NECTIN2: variants seen among roughly 807,000 people sequenced by gnomAD.
NECTIN2 encodes nectin cell adhesion molecule 2.
A neutral mutation model predicts 56.9 loss-of-function variants in NECTIN2; 23 were observed. The observed-to-expected ratio is 0.40, with a 90% CI of 0.29 to 0.57. The LOEUF (loss-of-function observed/expected upper bound fraction) is 0.57. NECTIN2 is among the 20% of genes least tolerant of loss of function. The pLI, the probability that NECTIN2 is intolerant of heterozygous loss-of-function variation, is 0.38. For missense variants in NECTIN2, 587 were observed against 718.3 expected (o/e 0.82, Z 2.09); for synonymous variants, 302 against 313.8 (o/e 0.96, Z 0.40).
Position 44,872,793 on chromosome 19 carries a change from ATTAT to A in NECTIN2, c.775+650_775+653del, listed in dbSNP as rs142203832. On this transcript the variant is annotated intron_variant, in intron 3 of 8. Transcript: ENST00000252483. ...CCTTGATATTATTTACATTGTATTT[ATTAT>A]TTATTATTTATTATTATATTTTTAT... Among the ~76,000 whole-genome samples, 74 of 79,302 alleles carry A rather than the reference ATTAT, an allele frequency of 9.3e-4. 1 individual carries two copies. The highest frequency in any genetic ancestry group is 2.1e-3 in the African/African-American group (51 of 24,528). The allele number at this position is 79,302 out of a possible 152,430, so 52.0% of individuals were successfully genotyped here.
chr19:44,865,306 G>A lies in NECTIN2; in HGVS notation c.124G>A (p.Val42Met), dbSNP rs536775165. Residue 42 changes from valine to methionine, a missense_variant, in exon 2 of 9, where the codon GTG (valine) becomes ATG (methionine). Transcript: ENST00000252483. The surrounding 1 kb of genome is among the most constrained non-coding windows in gnomAD (Gnocchi z 5.2). ...QDVRVQVLPEVRGQLGGTVEL... is the reference protein window; with the variant it reads ...QDVRVQVLPEMRGQLGGTVEL... ...TGTGCGAGTTCAAGTGCTACCCGAG[G>A]TGCGAGGCCAGCTCGGGGGCACCGT... The A allele has an allele frequency of 7.4e-5, 119 of 1,613,688 alleles. No homozygotes were observed. The South Asian group carries it at 1.3e-3, about 17-fold the overall frequency.
At position 44,888,413 on chromosome 19, in the gene NECTIN2, G is replaced by A. The variant is rs1180930869; in HGVS notation, c.*34G>A. Reference sequence around the variant, plus strand: ...GCGCCTGGCGTCTCACATCTCACCTGTTGATCCCTTAGCTTTCTTGCCAAG... The same window carrying A: ...GCGCCTGGCGTCTCACATCTCACCTATTGATCCCTTAGCTTTCTTGCCAAG... On this transcript the variant is annotated 3_prime_UTR_variant, in exon 9 of 9. Coordinates refer to ENST00000252483, the MANE Select transcript of NECTIN2 (RefSeq NM_001042724.2). The A allele has an allele frequency of 3.1e-6, 5 of 1,592,764 alleles. 1 individual carries two copies. The South Asian group carries it at 4.5e-5, about 14-fold the overall frequency.
chr19:44,877,492 T>C (rs1969253018), intron 5 of NECTIN2, among the ~76,000 whole-genome samples: 1 of 152,272 alleles, frequency 6.6e-6, no homozygotes, highest in African/African-American at 2.4e-5. Context: ...GAAGTCCCAC[T>C]GTCCCGGTCT....
chr19:44,859,800 G>A (rs1161814182), intron 1 of NECTIN2, among the ~76,000 whole-genome samples: 1 of 150,834 alleles, frequency 6.6e-6, no homozygotes, highest in East Asian at 1.9e-4. Flanking sequence ...ACTCCAACCT[G>A]GGTGACAGAG....
At chr19:44,849,074 T>C (rs1255429960) in intron 1 of NECTIN2, among the ~76,000 whole-genome samples, 1 of 151,670 alleles carries the variant, frequency 6.6e-6, no homozygotes, top group East Asian at 1.9e-4. Flanking sequence ...GGTGGGTATA[T>C]AGAGAGGCTG....
Position 44,885,926 on chromosome 19 carries a change from C to T in NECTIN2, c.1197-11C>T. ...TCTTAATCTCCACTTGTCCTACCTC[C>T]TACCCCACAGCCTGGAGGGACCTCC... On this transcript the variant is annotated splice_polypyrimidine_tract_variant and intron_variant, in intron 6 of 8. Transcript: ENST00000252483. The T allele has an allele frequency of 1.3e-6, 2 of 1,562,652 alleles. No individual in the cohort carries two copies. Among genetic ancestry groups the T allele is most frequent in the African/African-American group, 1.4e-5 (1 of 73,732 alleles).
chr19:44,888,406 C>T lies in NECTIN2; in HGVS notation c.*27C>T. 6.3e-7 allele frequency: 1 copy of T among 1,598,574 alleles called. No homozygotes were observed. Among genetic ancestry groups the T allele is most frequent in the Non-Finnish European group, 8.6e-7 (1 of 1,168,762 alleles). ...CTGCCATGCGCCTGGCGTCTCACAT[C>T]TCACCTGTTGATCCCTTAGCTTTCT... On this transcript the variant is annotated 3_prime_UTR_variant, in exon 9 of 9. Coordinates refer to ENST00000252483, the MANE Select transcript of NECTIN2 (RefSeq NM_001042724.2).
intron 2 of NECTIN2, among the ~76,000 whole-genome samples, chr19:44,866,852 G>A (rs908933067): frequency 7.2e-5 from 11 of 152,072 alleles, no homozygotes; most frequent in African/African-American, 2.7e-4. Flanking sequence ...AATGGGAGCT[G>A]AGAAACCACA....
chr19:44,849,235 G>A (rs1305244605), intron 1 of NECTIN2, among the ~76,000 whole-genome samples: 1 of 152,060 alleles, frequency 6.6e-6, no homozygotes, highest in Non-Finnish European at 1.5e-5. Flanking sequence ...TACCGACACA[G>A]GGATGAGGCT....
chr19:44,856,525 C>T (rs1167894401), intron 1 of NECTIN2, among the ~76,000 whole-genome samples: 1 of 152,156 alleles, frequency 6.6e-6, no homozygotes, highest in African/African-American at 2.4e-5. Context: ...CTAACTTCCT[C>T]GGCCCCAGCC....
In NECTIN2 at chr19:44,855,219, A is replaced by G. The variant is rs187189097; in HGVS notation, c.88+8606A>G. 8.1e-3 allele frequency among the ~76,000 whole-genome samples: 1,225 copies of G among 150,858 alleles called. 16 individuals are homozygous for G. Among genetic ancestry groups the G allele is most frequent in the African/African-American group, 0.029 (1,188 of 41,026 alleles). ...GGCGGGCAGATCACGAGGTCAGGAG[A>G]TCGAGACCATCCTGGCTAACACGGT... is the stretch of plus-strand genomic sequence containing the variant. On this transcript the variant is annotated intron_variant, in intron 1 of 8. Transcript: ENST00000252483.
chr19:44,851,420 C>T (rs1968898414), intron 1 of NECTIN2, among the ~76,000 whole-genome samples: 1 of 151,246 alleles, frequency 6.6e-6, no homozygotes, highest in African/African-American at 2.4e-5. Flanking sequence ...GAATCCAGGC[C>T]CCCAGCCCCC....
chr19:44,881,756 G>A (rs1218605185), intron 5 of NECTIN2, among the ~76,000 whole-genome samples: 1 of 152,164 alleles, frequency 6.6e-6, no homozygotes, highest in Admixed American at 6.5e-5. Context: ...GATACCCCCA[G>A]ACACTCTCAT....
rs1217464540 is a variant in NECTIN2 at position 44,888,669 on chromosome 19, C to T, written c.*290C>T. The stretch of plus-strand genomic sequence containing the variant: ...CCTCTCCCAGACTGTGACCTTAGAC[C>T]ATACCTCTCACCCCCCAATGCCTCG... On this transcript the variant is annotated 3_prime_UTR_variant, in exon 9 of 9. Coordinates refer to ENST00000252483, the MANE Select transcript of NECTIN2 (RefSeq NM_001042724.2). 4 of 437,674 alleles carry T rather than the reference C, an allele frequency of 9.1e-6. No individual in the cohort carries two copies. The highest frequency in any genetic ancestry group is 7.3e-5 in the East Asian group (2 of 27,434). 27.1% of individuals were successfully genotyped at this position (437,674 alleles called of 1,614,324 possible). A position where few individuals can be genotyped will look rare whatever the true frequency, so the allele number is the denominator to read the frequency against.
At chr19:44,868,894 AGAGT>A (rs1969136795) in intron 2 of NECTIN2, among the ~76,000 whole-genome samples, 1 of 150,004 alleles carries the variant, frequency 6.7e-6, no homozygotes, top group African/African-American at 2.5e-5. Flanking sequence ...CCTGGGCGAC[AGAGT>A]GAGACTCTGT....
chr19:44,868,768 C>T (rs1180433674), intron 2 of NECTIN2, among the ~76,000 whole-genome samples: 1 of 151,884 alleles, frequency 6.6e-6, no homozygotes, highest in East Asian at 1.9e-4. Context: ...AAGAAATTAG[C>T]CAGGCGTGGT....
At chr19:44,847,392 G>A (rs1968848188) in intron 1 of NECTIN2, among the ~76,000 whole-genome samples, 1 of 152,126 alleles carries the variant, frequency 6.6e-6, no homozygotes, top group African/African-American at 2.4e-5. Flanking sequence ...TTAATTGTGG[G>A]CAGGGGGCTT....
At position 44,879,512 on chromosome 19, in the gene NECTIN2, C is replaced by G. The variant is rs557326275; in HGVS notation, c.1043-2699C>G. ...GGGGAAGTCCCACCTCTGGCCACCC[C>G]GACTGTGGCTCCCCTCCTTCTCCAT... is the stretch of plus-strand genomic sequence containing the variant. On this transcript the variant is annotated intron_variant, in intron 5 of 8. Coordinates refer to ENST00000252483, the MANE Select transcript of NECTIN2 (RefSeq NM_001042724.2). 7.9e-5 allele frequency among the ~76,000 whole-genome samples: 12 copies of G among 152,138 alleles called. No homozygotes were observed. The South Asian group carries it at 1.7e-3, about 21-fold the overall frequency.
chr19:44,888,169 T>C lies in NECTIN2; in HGVS notation c.1407T>C (p.Pro469=), dbSNP rs878973497. ...TLEERSGPLH[P]GATSLGSPIP... ...AAGAACGGTCAGGACCCTTGCACCCTGGAGCCACAAGCCTGGGGTCCCCCA... is the reference window on the plus strand; with the variant it reads ...AAGAACGGTCAGGACCCTTGCACCCCGGAGCCACAAGCCTGGGGTCCCCCA... The change falls in exon 9 of 9, where the codon CCT becomes CCC. Residue 469 remains proline, a synonymous_variant. Coordinates refer to ENST00000252483, the MANE Select transcript of NECTIN2 (RefSeq NM_001042724.2). The C allele has an allele frequency of 6.2e-7, 1 of 1,614,176 alleles. No individual in the cohort carries two copies. The highest frequency in any genetic ancestry group is 2.2e-5 in the East Asian group (1 of 44,882).
Sources: gnomAD v4.1 joint callset for allele counts (sites outside exome capture counted in the v4.1 genomes callset) on GRCh38, gnomAD v4.1.1 for gene constraint, Gnocchi (gnomAD v3.1) non-coding constraint, MANE v1.5 for transcripts, NCBI Gene and HGNC (gene_info 2026-07-23, HGNC 2026-07-21) for gene names.